The following PRKD1 variants were observed in gnomAD, a reference collection of about 807,000 sequenced individuals.
PRKD1 encodes the protein serine/threonine-protein kinase D1.
Under a neutral mutation model 95.9 loss-of-function variants are expected in PRKD1, and 63 were observed. That is an observed-to-expected ratio of 0.66 (90% CI 0.54 to 0.81). The LOEUF is 0.81. PRKD1 is among the 30% of genes least tolerant of loss of function. The pLI is 0.00. For synonymous variants in PRKD1, 425 were observed against 423.1 expected, an observed-to-expected ratio of 1.00 and a Z score of -0.05; for missense variants, 1,048 against 1,165.3, an observed-to-expected ratio of 0.90 and a Z score of 1.47.
chr14:29,753,182 A>G (rs72660410), intron 1 of PRKD1, among the ~76,000 whole-genome samples: 1 of 152,134 alleles, frequency 6.6e-6, no homozygotes, highest in Non-Finnish European at 1.5e-5. Flanking sequence ...AGACAAAGAG[A>G]AAGAAACAAT....
chr14:29,759,135 T>G (rs1887850520), intron 1 of PRKD1, among the ~76,000 whole-genome samples: 1 of 152,204 alleles, frequency 6.6e-6, no homozygotes, highest in Non-Finnish European at 1.5e-5. Context: ...TTCTGTGGTG[T>G]TGTACAATCA....
chr14:29,595,635 T>C (rs1566474042), intron 16 of PRKD1, among the ~76,000 whole-genome samples: 1 of 152,182 alleles, frequency 6.6e-6, no homozygotes, highest in African/African-American at 2.4e-5. Context: ...CTGGCATGAA[T>C]AGGTTTTGTC....
chr14:29,616,797 T>A (rs1045709790), intron 13 of PRKD1, among the ~76,000 whole-genome samples: 1 of 152,194 alleles, frequency 6.6e-6, no homozygotes, highest in African/African-American at 2.4e-5. Context: ...CACACCTTTT[T>A]AAAATATTTT....
rs756406815 is a variant in PRKD1 at position 29,630,852 on chromosome 14, G to A, written c.1562C>T (p.Thr521Ile). The change falls in exon 10 of 18, where the codon ACC (threonine) becomes ATC (isoleucine). Residue 521 changes from threonine (T) to isoleucine (I), a missense_variant. Thr to Ile is a moderately conservative substitution (Grantham distance 89). This residue lies in a region of PRKD1 where 739 missense variants were observed against 861.9 expected (regional missense o/e 0.86). Coordinates refer to ENST00000331968, the MANE Select transcript of PRKD1 (RefSeq NM_002742.3). ...GGCCACATCTGCACCAACGCCACTG[G>A]TGAGAACACTGTTATTTGGTGATGG... is the stretch of plus-strand genomic sequence containing the variant. ...SSPSPNNSVL[T>I]SGVGADVARM... 3.7e-6 allele frequency: 6 copies of A among 1,614,124 alleles called. No homozygotes were observed. Among genetic ancestry groups the A allele is most frequent in the Non-Finnish European group, 5.1e-6 (6 of 1,180,020 alleles).
intron 16 of PRKD1, among the ~76,000 whole-genome samples, chr14:29,584,446 T>C (rs1892847366): frequency 6.6e-6 from 1 of 152,172 alleles, no homozygotes; most frequent in Admixed American, 6.6e-5. Context: ...TTTCCCATTT[T>C]ATTTCCTTTT....
intron 1 of PRKD1, among the ~76,000 whole-genome samples, chr14:29,874,044 T>C (rs1893203092): frequency 6.6e-6 from 1 of 152,232 alleles, no homozygotes; most frequent in Non-Finnish European, 1.5e-5. Context: ...TTCACAAATA[T>C]GACTGGCTAC....
At chr14:29,634,599 T>G (rs1286106957) in intron 7 of PRKD1, 58 bp from the exon 8 acceptor site, 1 of 1,598,086 alleles carries the variant, frequency 6.3e-7, no homozygotes, top group Non-Finnish European at 8.6e-7. Context: ...TTATGTATTT[T>G]CATGCATAAA....
chr14:29,705,531 T>G (rs2139339739), intron 2 of PRKD1, among the ~76,000 whole-genome samples: 1 of 152,038 alleles, frequency 6.6e-6, no homozygotes, highest in South Asian at 2.1e-4. Flanking sequence ...AGCTCAGTGG[T>G]TTTAAAAATA....
intron 13 of PRKD1, among the ~76,000 whole-genome samples, chr14:29,621,817 T>G (rs1046682214): frequency 3.3e-5 from 5 of 152,130 alleles, no homozygotes; most frequent in African/African-American, 1.2e-4. Context: ...AAAGAATGAT[T>G]AGGGGCAGTG....
intron 1 of PRKD1, among the ~76,000 whole-genome samples, chr14:29,847,397 T>C (rs1010437069): frequency 6.6e-6 from 1 of 152,168 alleles, no homozygotes; most frequent in African/African-American, 2.4e-5. Flanking sequence ...AGGTTCTTTT[T>C]TGGTAGCAAC....
chr14:29,737,328 C>CAAAAAAAAA lies in PRKD1; in HGVS notation c.265-11663_265-11655dup, dbSNP rs796557046. Among the ~76,000 whole-genome samples the CAAAAAAAAA allele has an allele frequency of 5.8e-4, 22 of 37,928 alleles. 1 individual carries two copies. Among genetic ancestry groups the CAAAAAAAAA allele is most frequent in the East Asian group, 1.4e-3 (1 of 722 alleles). 24.9% of individuals were successfully genotyped at this position (37,928 alleles called of 152,430 possible). A position where few individuals can be genotyped will look rare whatever the true frequency, so the allele number is the denominator to read the frequency against. On this transcript the variant is annotated intron_variant, in intron 1 of 17. Transcript: ENST00000331968. Reference sequence around the variant, plus strand: ...TGGGCGACAGAGCGAGACTCCGTCTCAAAAAAAAAAAAAAAAAAAAAAAAA... The same window carrying CAAAAAAAAA: ...TGGGCGACAGAGCGAGACTCCGTCTCAAAAAAAAAAAAAAAAAAAAAAAAAAAAAAAAAA...
At chr14:29,829,888 T>C (rs1264808850) in intron 1 of PRKD1, among the ~76,000 whole-genome samples, 1 of 152,214 alleles carries the variant, frequency 6.6e-6, no homozygotes, top group African/African-American at 2.4e-5. Flanking sequence ...AGCCAACTGA[T>C]TCACTTATTT....
intron 2 of PRKD1, among the ~76,000 whole-genome samples, chr14:29,705,162 T>C (rs772884796): frequency 1.6e-4 from 25 of 152,126 alleles, no homozygotes; most frequent in Non-Finnish European, 3.1e-4. Flanking sequence ...ACTATCCTTA[T>C]TTTATCCCTG....
In PRKD1 at chr14:29,755,656, T is replaced by C. The variant is rs755033427; in HGVS notation, c.265-29982A>G. Among the ~76,000 whole-genome samples the C allele has an allele frequency of 4.9e-4, 74 of 152,158 alleles. 1 individual carries two copies. The highest frequency in any genetic ancestry group is 1.8e-4 in the Non-Finnish European group (12 of 68,032). Reference sequence around the variant, plus strand: ...AACTCCTTGGCCTGAATAATAGATCTTTCCTGGCTCATGGGTCACTGCCCT... The same window carrying C: ...AACTCCTTGGCCTGAATAATAGATCCTTCCTGGCTCATGGGTCACTGCCCT... On this transcript the variant is annotated intron_variant, in intron 1 of 17. Transcript: ENST00000331968.
intron 13 of PRKD1, among the ~76,000 whole-genome samples, chr14:29,613,842 T>A (rs1266218250): frequency 6.6e-6 from 1 of 152,242 alleles, no homozygotes; most frequent in African/African-American, 2.4e-5. Context: ...AAGGAAGGCA[T>A]ACTCTTGGAG....
chr14:29,647,638 C>T (rs1318497837), intron 4 of PRKD1, among the ~76,000 whole-genome samples: 1 of 152,182 alleles, frequency 6.6e-6, no homozygotes, highest in Non-Finnish European at 1.5e-5. Context: ...ACACTGATTA[C>T]TACTGCCTTG....
At chr14:29,636,851 A>G (rs1011619309) in intron 6 of PRKD1, among the ~76,000 whole-genome samples, 1 of 152,126 alleles carries the variant, frequency 6.6e-6, no homozygotes, top group Admixed American at 6.6e-5. Flanking sequence ...CCTCCCACTT[A>G]TAAGTGAGAA....
chr14:29,581,867 C>A (rs1484048520), intron 16 of PRKD1, among the ~76,000 whole-genome samples: 1 of 152,084 alleles, frequency 6.6e-6, no homozygotes, highest in Non-Finnish European at 1.5e-5. Context: ...CAGGATAAGG[C>A]CTAAACATAG....
intron 1 of PRKD1, among the ~76,000 whole-genome samples, chr14:29,914,737 A>G (rs1195371899): frequency 2.0e-5 from 3 of 152,094 alleles, no homozygotes; most frequent in African/African-American, 7.2e-5. Flanking sequence ...CTCTAAATAA[A>G]TAAATAAGAA....
Sources: allele counts gnomAD v4.1 joint callset (sites outside exome capture counted in the v4.1 genomes callset), GRCh38; gene constraint gnomAD v4.1.1; regional missense constraint gnomAD v4.1.1; transcripts MANE v1.5; gene names NCBI Gene and HGNC (gene_info 2026-07-23, HGNC 2026-07-21).